The following CD109 variants were observed in gnomAD, a reference collection of about 807,000 sequenced individuals.
CD109 encodes the protein CD109 molecule.
Under a neutral mutation model 165.8 loss-of-function variants are expected in CD109, and 149 were observed. The ratio of observed to expected loss-of-function variants is 0.90; its 90% CI spans 0.79 to 1.03. CD109 has a LOEUF of 1.03. Ranked by LOEUF, CD109 falls within the 50% of genes least tolerant of loss-of-function variation. The pLI, the probability that CD109 is intolerant of heterozygous loss-of-function variation, is 0.00. For synonymous variants in CD109, 585 were observed against 592.1 expected, an observed-to-expected ratio of 0.99 and a Z score of 0.18; for missense variants, 1,712 against 1,677.8, an observed-to-expected ratio of 1.02 and a Z score of -0.36.
At chr6:73,765,090 A>G (rs1773785497) in intron 10 of CD109, among the ~76,000 whole-genome samples, 1 of 152,054 alleles carries the variant, frequency 6.6e-6, no homozygotes, top group Non-Finnish European at 1.5e-5. Context: ...ACTGTTTTTT[A>G]AAAGATTAGT....
chr6:73,817,619 C>A (rs1433498477), intron 30 of CD109, among the ~76,000 whole-genome samples: 1 of 152,162 alleles, frequency 6.6e-6, no homozygotes, highest in Non-Finnish European at 1.5e-5. Context: ...AAATTGGAGG[C>A]AAACATCTTT....
chr6:73,773,315 T>C (rs1468773753), intron 15 of CD109, among the ~76,000 whole-genome samples: 1 of 151,678 alleles, frequency 6.6e-6, no homozygotes, highest in Non-Finnish European at 1.5e-5. Context: ...GGTGTATTTT[T>C]ACATTTCTTA....
chr6:73,762,240 C>T (rs773167985), intron 7 of CD109, 144 bp from the exon 8 acceptor site: 12 of 591,660 alleles, frequency 2.0e-5, no homozygotes, highest in South Asian at 4.4e-5. Flanking sequence ...GGATTACAGG[C>T]GTGAGCCACC....
chr6:73,729,264 A>C (rs1459900053), intron 3 of CD109, among the ~76,000 whole-genome samples: 4 of 152,122 alleles, frequency 2.6e-5, no homozygotes, highest in African/African-American at 7.2e-5. Context: ...AAGTCTGGGG[A>C]ATTAGGCTTC....
At chr6:73,745,609 T>TC (rs1269129854) in intron 5 of CD109, among the ~76,000 whole-genome samples, 1 of 152,162 alleles carries the variant, frequency 6.6e-6, no homozygotes, top group Non-Finnish European at 1.5e-5. Flanking sequence ...AAGATTTGAG[T>TC]CCAGCATGTA....
intron 23 of CD109, among the ~76,000 whole-genome samples, chr6:73,796,214 A>G (rs1400724845): frequency 6.6e-6 from 1 of 152,176 alleles, no homozygotes; most frequent in African/African-American, 2.4e-5. Flanking sequence ...AGAAAATGTC[A>G]AGATCCTGTC....
chr6:73,800,139 G>A (rs1775310492), intron 23 of CD109, among the ~76,000 whole-genome samples: 1 of 152,016 alleles, frequency 6.6e-6, no homozygotes, highest in Non-Finnish European at 1.5e-5. Context: ...TTGGCAATAG[G>A]TGAACCTTGG....
chr6:73,762,393 T>C lies in CD109; in HGVS notation c.768T>C (p.Tyr256=). Residue 256 remains tyrosine (Y), a synonymous_variant, in exon 8 of 33, where the codon TAT becomes TAC. Transcript: ENST00000287097. ...LNGTITAKYT[Y]GKPVKGDVTL... is the part of the protein sequence containing the mutation. ...GTTTATAATTATTCAGGTATACATA[T>C]GGGAAGCCAGTGAAAGGAGACGTAA... The C allele has an allele frequency of 1.2e-6, 2 of 1,601,772 alleles. No individual in the cohort carries two copies. Among genetic ancestry groups the C allele is most frequent in the Non-Finnish European group, 1.7e-6 (2 of 1,169,240 alleles).
chr6:73,748,548 C>A (rs767322281), intron 5 of CD109, among the ~76,000 whole-genome samples: 3 of 152,146 alleles, frequency 2.0e-5, no homozygotes, highest in Non-Finnish European at 4.4e-5. Flanking sequence ...AAGGTCCATG[C>A]GGGGTTGTAT....
Position 73,739,487 on chromosome 6 carries a change from A to G in CD109, c.633+2979A>G, listed in dbSNP as rs77562088. On this transcript the variant is annotated intron_variant, in intron 5 of 32. Coordinates refer to ENST00000287097, the MANE Select transcript of CD109 (RefSeq NM_133493.5). Reference sequence around the variant, plus strand: ...TTTAAATAGCCCACCATTAGAGACTATATTTTTACTTTTCGGTGGCAGTCA... The same window carrying G: ...TTTAAATAGCCCACCATTAGAGACTGTATTTTTACTTTTCGGTGGCAGTCA... 5.7e-3 allele frequency among the ~76,000 whole-genome samples: 873 copies of G among 152,296 alleles called. 2 individuals carry two copies. Among genetic ancestry groups the G allele is most frequent in the Middle Eastern group, 0.044 (13 of 294 alleles).
intron 2 of CD109, among the ~76,000 whole-genome samples, chr6:73,707,906 GTTA>G (rs1460979532): frequency 1.5e-4 from 22 of 142,412 alleles, no homozygotes; most frequent in South Asian, 2.2e-4. Context: ...ATAAATATTA[GTTA>G]TTATTTTCTC....
intron 19 of CD109, among the ~76,000 whole-genome samples, chr6:73,784,452 T>A (rs1370119924): frequency 6.6e-6 from 1 of 152,226 alleles, no homozygotes; most frequent in Non-Finnish European, 1.5e-5. Flanking sequence ...GCAACATGAA[T>A]GTCTGAAGGG....
At chr6:73,782,397 T>C (rs1472104918) in intron 17 of CD109, among the ~76,000 whole-genome samples, 1 of 152,232 alleles carries the variant, frequency 6.6e-6, no homozygotes, top group Non-Finnish European at 1.5e-5. Context: ...ATGCCCACTG[T>C]AATACCCATT....
chr6:73,760,332 G>C (rs1418205878), intron 7 of CD109, among the ~76,000 whole-genome samples: 1 of 149,430 alleles, frequency 6.7e-6, no homozygotes, highest in Non-Finnish European at 1.5e-5. Flanking sequence ...GCGTGAACCT[G>C]GGAGGCGGAG....
At chr6:73,785,183 ATCAAG>A (rs1774640994) in intron 19 of CD109, among the ~76,000 whole-genome samples, 176 bp from the exon 20 acceptor site, 8 of 152,248 alleles carry the variant, frequency 5.3e-5, no homozygotes, top group Admixed American at 5.2e-4. Flanking sequence ...AGTAACATAA[ATCAAG>A]TCAATTTGCC....
At chr6:73,767,685 A>G (rs1410119983) in intron 13 of CD109, among the ~76,000 whole-genome samples, 1 of 152,196 alleles carries the variant, frequency 6.6e-6, no homozygotes, top group Non-Finnish European at 1.5e-5. Context: ...TTGATAAGCA[A>G]TATATATTCA....
In CD109 at chr6:73,782,721, C is replaced by G. The variant is rs1244699110; in HGVS notation, c.2071C>G (p.Pro691Ala). 1.2e-6 allele frequency: 2 copies of G among 1,613,900 alleles called. No individual in the cohort carries two copies. The highest frequency in any genetic ancestry group is 2.7e-5 in the African/African-American group (2 of 75,036). The change falls in exon 18 of 33, where the codon CCA becomes GCA. Residue 691 changes from proline (P) to alanine (A), a missense_variant. Physicochemically the swap from Pro to Ala is conservative, Grantham distance 27. Coordinates refer to ENST00000287097, the MANE Select transcript of CD109 (RefSeq NM_133493.5). ...CAGTCCACATGTCCGAAAGCATTTTCCAGAGACTTGGATTTGGCTAGACAC... is the reference window on the plus strand; with the variant it reads ...CAGTCCACATGTCCGAAAGCATTTTGCAGAGACTTGGATTTGGCTAGACAC... ...GSSPHVRKHF[P>A]ETWIWLDTNM...
chr6:73,745,760 G>C (rs756749571), intron 5 of CD109, among the ~76,000 whole-genome samples: 1 of 152,130 alleles, frequency 6.6e-6, no homozygotes, highest in African/African-American at 2.4e-5. Flanking sequence ...ACAGAGTCTC[G>C]CTGTGTCACC....
rs562989928 is a variant in CD109, at chr6:73,777,910, C to T, written c.1828-2514C>T. 2.0e-5 allele frequency among the ~76,000 whole-genome samples: 3 copies of T among 152,094 alleles called. No individual in the cohort carries two copies. In the East Asian group the frequency reaches 5.8e-4, roughly 29 times the overall value. ...TGGCTATACGAGCTCTTTTTTGGTT[C>T]CATATGAATTTTAAAATAGTTTTCT... is the stretch of plus-strand genomic sequence containing the variant. On this transcript the variant is annotated intron_variant, in intron 15 of 32. Coordinates refer to ENST00000287097, the MANE Select transcript of CD109 (RefSeq NM_133493.5).
Sources: gnomAD v4.1 joint callset for allele counts (sites outside exome capture counted in the v4.1 genomes callset) on GRCh38, gnomAD v4.1.1 for gene constraint, MANE v1.5 for transcripts, NCBI Gene and HGNC (gene_info 2026-07-23, HGNC 2026-07-21) for gene names.